Variants in CFAP299 observed in about 807,000 individuals in gnomAD.
CFAP299 encodes cilia and flagella associated protein 299, also known as cilia- and flagella-associated protein 299.
A neutral mutation model predicts 27.0 loss-of-function variants in CFAP299; 21 were observed. The ratio of observed to expected loss-of-function variants is 0.78; its 90% CI spans 0.55 to 1.12. CFAP299 has a LOEUF of 1.12. CFAP299 is among the 50% of genes most tolerant of loss of function. The probability of loss-of-function intolerance (pLI) is 0.00; values close to 1 mark genes in which losing one functional copy is unlikely to be tolerated. For missense variants in CFAP299, 310 were observed against 276.6 expected (o/e 1.12, Z -0.86); for synonymous variants, 104 against 98.1 (o/e 1.06, Z -0.36).
At chr4:80,489,997 C>A (rs1304704845) in intron 2 of CFAP299, among the ~76,000 whole-genome samples, 2 of 152,052 alleles carry the variant, frequency 1.3e-5, no homozygotes, top group Admixed American at 1.3e-4. Flanking sequence ...AGGTATCTGG[C>A]TTACATTAGT....
chr4:80,564,549 T>C (rs976571627), intron 2 of CFAP299, among the ~76,000 whole-genome samples: 1 of 151,990 alleles, frequency 6.6e-6, no homozygotes, highest in African/African-American at 2.4e-5. Context: ...AAAAGCCATG[T>C]ATGAAGATTC....
At chr4:80,517,404 A>G (rs1046592382) in intron 2 of CFAP299, among the ~76,000 whole-genome samples, 15 of 152,154 alleles carry the variant, frequency 9.9e-5, no homozygotes, top group Non-Finnish European at 1.8e-4. Flanking sequence ...AAGAGAAATT[A>G]CCCTTACCTG....
At chr4:80,807,961 A>G (rs1728949780) in intron 3 of CFAP299, among the ~76,000 whole-genome samples, 1 of 152,094 alleles carries the variant, frequency 6.6e-6, no homozygotes, top group Non-Finnish European at 1.5e-5. Context: ...CAGTTGCTAC[A>G]AACAGAGAAA....
chr4:80,959,205 A>T lies in CFAP299; in HGVS notation c.607-4312A>T, dbSNP rs541746310. On this transcript the variant is annotated intron_variant, in intron 5 of 5. Coordinates refer to ENST00000358105, the MANE Select transcript of CFAP299 (RefSeq NM_152770.3). Reference sequence around the variant, plus strand: ...ATGATATATCTGATTCAAAAAATGGATGAAAATAATTTTACAGAGGAAGAA... The same window carrying T: ...ATGATATATCTGATTCAAAAAATGGTTGAAAATAATTTTACAGAGGAAGAA... Among the ~76,000 whole-genome samples, 5 of 152,264 alleles carry T rather than the reference A, an allele frequency of 3.3e-5. No individual in the cohort carries two copies. The East Asian group carries it at 9.6e-4, about 29-fold the overall frequency.
intron 3 of CFAP299, among the ~76,000 whole-genome samples, chr4:80,812,155 T>A (rs1157926462): frequency 6.6e-6 from 1 of 152,082 alleles, no homozygotes; most frequent in Non-Finnish European, 1.5e-5. Context: ...GAATAGTATG[T>A]GTCTGTGATC....
At chr4:80,332,831 CA>C (rs1244339732), upstream of CFAP299, among the ~76,000 whole-genome samples, 2 of 152,090 alleles carry the variant, frequency 1.3e-5, no homozygotes, top group East Asian at 1.9e-4. Flanking sequence ...TTTGCCCACT[CA>C]GGGGGAGTGG....
intron 3 of CFAP299, among the ~76,000 whole-genome samples, chr4:80,799,922 ATATATTTATATATTATATTATATAAATAT>A (rs1728292416): frequency 8.7e-5 from 4 of 46,032 alleles, no homozygotes; most frequent in African/African-American, 2.9e-4. Flanking sequence ...TATATAATAT[ATATATTTATATATTATATTATATAAATAT>A]TATATAAATA....
intron 3 of CFAP299, among the ~76,000 whole-genome samples, chr4:80,679,751 T>A (rs1189374255): frequency 6.6e-6 from 1 of 151,690 alleles, no homozygotes; most frequent in African/African-American, 2.4e-5. Context: ...GGTTTTTTTT[T>A]TTTTTGCTTT....
intron 5 of CFAP299, among the ~76,000 whole-genome samples, chr4:80,948,488 G>A (rs917502092): frequency 2.0e-5 from 3 of 151,980 alleles, no homozygotes; most frequent in African/African-American, 7.2e-5. Context: ...GAATTAAATG[G>A]AAGCACTTTG....
At chr4:80,853,056 A>C (rs1461245125) in intron 3 of CFAP299, among the ~76,000 whole-genome samples, 2 of 151,830 alleles carry the variant, frequency 1.3e-5, no homozygotes, top group Non-Finnish European at 2.9e-5. Context: ...TTTGAGACGG[A>C]GTCTCATTCT....
intron 3 of CFAP299, among the ~76,000 whole-genome samples, chr4:80,703,985 A>ATT (rs983227020): frequency 2.0e-5 from 3 of 151,828 alleles, no homozygotes; most frequent in African/African-American, 7.2e-5. Flanking sequence ...AGCCTTAGGG[A>ATT]TGATTTTCTT....
intron 2 of CFAP299, among the ~76,000 whole-genome samples, chr4:80,366,324 T>G (rs756304343): frequency 1.1e-4 from 17 of 152,180 alleles, no homozygotes; most frequent in Admixed American, 3.9e-4. Flanking sequence ...GAGCACCTAT[T>G]TCGAGAAGTG....
At chr4:80,635,199 T>A (rs1739417155) in intron 3 of CFAP299, among the ~76,000 whole-genome samples, 1 of 152,152 alleles carries the variant, frequency 6.6e-6, no homozygotes, top group Non-Finnish European at 1.5e-5. Flanking sequence ...AATTTTCATT[T>A]ATGACATTTC....
At chr4:80,502,722 G>A (rs1306464534) in intron 2 of CFAP299, among the ~76,000 whole-genome samples, 1 of 151,852 alleles carries the variant, frequency 6.6e-6, no homozygotes, top group Non-Finnish European at 1.5e-5. Context: ...TCACTGTGAT[G>A]GTATTCTACT....
chr4:80,324,890 A>T, the CFAP299 span, among the ~76,000 whole-genome samples: 2 of 152,158 alleles, frequency 1.3e-5, no homozygotes, highest in Non-Finnish European at 2.9e-5. Flanking sequence ...TGGGAGGCCG[A>T]GGGGGTTGGA....
At chr4:80,498,186 G>C (rs1427081465) in intron 2 of CFAP299, among the ~76,000 whole-genome samples, 1 of 152,024 alleles carries the variant, frequency 6.6e-6, no homozygotes, top group East Asian at 1.9e-4. Flanking sequence ...CATTAGACTT[G>C]GCAAATAAAT....
At chr4:80,842,452 A>C (rs1406907053) in intron 3 of CFAP299, among the ~76,000 whole-genome samples, 1 of 152,142 alleles carries the variant, frequency 6.6e-6, no homozygotes, top group Non-Finnish European at 1.5e-5. Context: ...AACTTGAGAA[A>C]ATTACTTAAC....
At chr4:80,719,144 C>A (rs1015766071) in intron 3 of CFAP299, among the ~76,000 whole-genome samples, 1 of 151,980 alleles carries the variant, frequency 6.6e-6, no homozygotes, top group Admixed American at 6.6e-5. Flanking sequence ...CCCACTTGAA[C>A]GTGGAGGGTG....
At chr4:80,882,497 G>A (rs565764359) in intron 4 of CFAP299, among the ~76,000 whole-genome samples, 2 of 152,104 alleles carry the variant, frequency 1.3e-5, no homozygotes, top group Non-Finnish European at 2.9e-5. Context: ...AATTAGCCGG[G>A]CGCGGTGGCA....
Sources: gnomAD v4.1 joint callset for allele counts (sites outside exome capture counted in the v4.1 genomes callset) on GRCh38, gnomAD v4.1.1 for gene constraint, MANE v1.5 for transcripts, NCBI Gene and HGNC (gene_info 2026-07-23, HGNC 2026-07-21) for gene names.